MET: variants seen among roughly 807,000 people sequenced by gnomAD.
The protein encoded by MET is MET proto-oncogene, receptor tyrosine kinase.
Under a neutral mutation model 133.1 loss-of-function variants are expected in MET, and 48 were observed. The ratio of observed to expected loss-of-function variants is 0.36; its 90% CI spans 0.29 to 0.46. The LOEUF (loss-of-function observed/expected upper bound fraction) is 0.46, where lower values mean the gene tolerates loss of function less well. MET is among the 20% of genes least tolerant of loss of function. MET has a pLI of 1.00. For missense variants in MET, 1,442 were observed against 1,695.9 expected, an observed-to-expected ratio of 0.85 and a Z score of 2.63; for synonymous variants, 628 against 616.5, an observed-to-expected ratio of 1.02 and a Z score of -0.28.
chr7:116,700,122 C>T lies in MET; in HGVS notation c.1038C>T (p.Phe346=), dbSNP rs376235685. The T allele has an allele frequency of 4.1e-5, 66 of 1,605,490 alleles. No individual in the cohort carries two copies. The highest frequency in any genetic ancestry group is 5.2e-5 in the Non-Finnish European group (61 of 1,176,182). The change falls in exon 2 of 21, where the codon TTC becomes TTT. Residue 346 remains phenylalanine (F), a synonymous_variant. Coordinates refer to ENST00000397752, the MANE Select transcript of MET (RefSeq NM_000245.4). ...ATGATGACATTCTTTTCGGGGTGTTCGCACAAAGCAAGCCAGATTCTGCCG... is the reference window on the plus strand; with the variant it reads ...ATGATGACATTCTTTTCGGGGTGTTTGCACAAAGCAAGCCAGATTCTGCCG... ...SLNDDILFGV[F]AQSKPDSAEP...
intron 19 of MET, 70 bp downstream of exon 19, chr7:116,783,539 A>T (rs2117068406): frequency 6.5e-7 from 1 of 1,545,356 alleles, no homozygotes. Flanking sequence ...AAGTTTTATC[A>T]CTACTTAATT....
chr7:116,724,652 T>A, intron 2 of MET: 1 of 452,082 alleles, frequency 2.2e-6, no homozygotes, highest in Admixed American at 2.4e-5. Context: ...AGCAGACTGA[T>A]AACAGTTTTT....
At chr7:116,759,747 A>C (rs906651609) in intron 10 of MET, 3 of 472,916 alleles carry the variant, frequency 6.3e-6, no homozygotes, top group Non-Finnish European at 1.2e-5. Flanking sequence ...CCAATTTGAG[A>C]CAGTGTTTTT....
chr7:116,698,986 C>A, intron 1 of MET, 85 bp from the exon 2 acceptor site: 1 of 1,585,730 alleles, frequency 6.3e-7, no homozygotes, highest in Non-Finnish European at 8.6e-7. Context: ...AGCTTTATTT[C>A]TGATAGATTA....
chr7:116,770,423 T>G lies in MET; in HGVS notation c.2730+632T>G, dbSNP rs533120187. 5.3e-4 allele frequency among the ~76,000 whole-genome samples: 80 copies of G among 152,324 alleles called. 3 individuals carry two copies. In the South Asian group the frequency reaches 0.016, roughly 31 times the overall value. On this transcript the variant is annotated intron_variant, in intron 12 of 20. Transcript: ENST00000397752. ...TCTTTGAATTGAGGTAAAATATACATAATGTAATGTTTGCCATTTTGACCA... is the reference window on the plus strand; with the variant it reads ...TCTTTGAATTGAGGTAAAATATACAGAATGTAATGTTTGCCATTTTGACCA...
chr7:116,745,719 C>T (rs1169384064), intron 5 of MET, among the ~76,000 whole-genome samples: 3 of 152,184 alleles, frequency 2.0e-5, no homozygotes, highest in Admixed American at 6.5e-5. Context: ...GGAAAACTGG[C>T]TAGCCATATG....
At chr7:116,685,774 G>A (rs1562875702) in intron 1 of MET, among the ~76,000 whole-genome samples, 1 of 152,158 alleles carries the variant, frequency 6.6e-6, no homozygotes, top group Non-Finnish European at 1.5e-5. Flanking sequence ...ACCAACCAGA[G>A]TCTGCATGTC....
At chr7:116,741,188 C>T (rs1308584251) in intron 5 of MET, 163 bp downstream of exon 5, 2 of 796,660 alleles carry the variant, frequency 2.5e-6, no homozygotes, top group Non-Finnish European at 4.0e-6. Context: ...AGCTAAAGCA[C>T]CATCTCTCTC....
At chr7:116,682,075 T>A (rs531689003) in intron 1 of MET, among the ~76,000 whole-genome samples, 1 of 152,234 alleles carries the variant, frequency 6.6e-6, no homozygotes, top group African/African-American at 2.4e-5. Context: ...TTATTGTTCA[T>A]TGAAATCTGT....
At chr7:116,681,218 G>A (rs1028759335) in intron 1 of MET, among the ~76,000 whole-genome samples, 1 of 152,152 alleles carries the variant, frequency 6.6e-6, no homozygotes, top group Non-Finnish European at 1.5e-5. Context: ...TTTATTCTGA[G>A]TGTCAGAGGC....
chr7:116,750,814 GA>G (rs557923392), intron 5 of MET, among the ~76,000 whole-genome samples: 32 of 152,170 alleles, frequency 2.1e-4, no homozygotes, highest in African/African-American at 7.5e-4. Context: ...AAAAACATAT[GA>G]AAAAAAGCTC....
intron 19 of MET, among the ~76,000 whole-genome samples, chr7:116,792,435 C>A (rs1257243306): frequency 2.7e-5 from 4 of 146,986 alleles, no homozygotes; most frequent in Non-Finnish European, 6.0e-5. Flanking sequence ...CCCCTCACCC[C>A]CGACCCCCCC....
rs587778442 is a variant in MET, at chr7:116,699,594, C to G, written c.510C>G (p.Ser170Arg). 25 of 1,613,866 alleles carry G rather than the reference C, an allele frequency of 1.5e-5. No individual in the cohort carries two copies. Among genetic ancestry groups the G allele is most frequent in the Non-Finnish European group, 2.0e-5 (24 of 1,179,950 alleles). ...CIFSPQIEEP[S>R]QCPDCVVSAL... Reference sequence around the variant, plus strand: ...TCTCCCCACAGATAGAAGAGCCCAGCCAGTGTCCTGACTGTGTGGTGAGCG... The same window carrying G: ...TCTCCCCACAGATAGAAGAGCCCAGGCAGTGTCCTGACTGTGTGGTGAGCG... The change falls in exon 2 of 21, where the codon AGC becomes AGG. Residue 170 changes from serine to arginine, a missense_variant. Around this residue, in one of 6 missense-constraint regions of MET, gnomAD observed 762 missense variants for 792.4 expected, o/e 0.96. Transcript: ENST00000397752.
intron 1 of MET, 107 bp downstream of exon 1, chr7:116,672,684 A>G (rs1225427331): frequency 8.1e-6 from 3 of 371,756 alleles, no homozygotes; most frequent in Non-Finnish European, 1.4e-5. Flanking sequence ...GGGCAAAACC[A>G]CGTAGGTGGG....
chr7:116,691,720 A>C (rs1377784179), intron 1 of MET, among the ~76,000 whole-genome samples: 3 of 152,170 alleles, frequency 2.0e-5, no homozygotes, highest in Admixed American at 2.0e-4. Flanking sequence ...AGACATCCCA[A>C]GTTAACATCA....
chr7:116,783,376 T>C lies in MET; in HGVS notation c.3705T>C (p.Tyr1235=), dbSNP rs754467674. Residue 1235 remains tyrosine (Y), a synonymous_variant, in exon 19 of 21, where the codon TAT becomes TAC. Coordinates refer to ENST00000397752, the MANE Select transcript of MET (RefSeq NM_000245.4). The stretch of plus-strand genomic sequence containing the variant: ...GAGACATGTATGATAAAGAATACTA[T>C]AGTGTACACAACAAAACAGGTGCAA... ...LARDMYDKEY[Y]SVHNKTGAKL... is the part of the protein sequence containing the mutation. The C allele has an allele frequency of 3.7e-6, 6 of 1,614,168 alleles. No individual in the cohort carries two copies. In the South Asian group the frequency reaches 4.4e-5, roughly 12 times the overall value.
At chr7:116,731,968 A>G (rs1003451205) in intron 3 of MET, 109 bp downstream of exon 3, 1 of 1,071,678 alleles carries the variant, frequency 9.3e-7, no homozygotes. Flanking sequence ...TCCAAATCAT[A>G]GTAGAAACTG....
At chr7:116,768,872 T>C (rs10266869) in intron 11 of MET, among the ~76,000 whole-genome samples, 23 of 152,206 alleles carry the variant, frequency 1.5e-4, no homozygotes, top group African/African-American at 5.3e-4. Context: ...AAACAAAACG[T>C]TGATATTTTT....
chr7:116,719,672 TGTAAG>T (rs1442730113), intron 2 of MET, among the ~76,000 whole-genome samples: 2 of 152,158 alleles, frequency 1.3e-5, no homozygotes, highest in Non-Finnish European at 2.9e-5. Flanking sequence ...TTGTATAAGG[TGTAAG>T]GAAGGGATCC....
Sources: gnomAD v4.1 joint callset for allele counts (sites outside exome capture counted in the v4.1 genomes callset) on GRCh38, gnomAD v4.1.1 for gene constraint, gnomAD v4.1.1 regional missense constraint, MANE v1.5 for transcripts, NCBI Gene and HGNC (gene_info 2026-07-23, HGNC 2026-07-21) for gene names.